The following DOCK2 variants were observed in gnomAD, a reference collection of about 807,000 sequenced individuals.
The protein encoded by DOCK2 is dedicator of cytokinesis protein 2.
DOCK2 carries 87 observed loss-of-function variants against 248.9 expected under a neutral mutation model. That is an observed-to-expected ratio of 0.35 (90% CI 0.29 to 0.42). DOCK2 has a LOEUF of 0.42. Among genes scored for constraint, DOCK2 ranks in the 10% least tolerant of loss-of-function variants. The pLI is 1.00. For synonymous variants in DOCK2, 805 were observed against 821.6 expected (o/e 0.98, Z 0.35); for missense variants, 1,747 against 2,300.2 (o/e 0.76, Z 4.92).
chr5:169,861,687 T>A (rs1442649447), intron 27 of DOCK2, among the ~76,000 whole-genome samples: 1 of 152,212 alleles, frequency 6.6e-6, no homozygotes. Context: ...GTATGCAGTT[T>A]TGGTATATGT....
intron 22 of DOCK2, among the ~76,000 whole-genome samples, chr5:169,733,547 G>A (rs1226598287): frequency 1.3e-5 from 2 of 151,822 alleles, no homozygotes; most frequent in Non-Finnish European, 2.9e-5. Flanking sequence ...TTAAAAAAAA[G>A]CTCATCACTC....
chr5:169,948,793 A>G (rs1333557466), intron 27 of DOCK2, among the ~76,000 whole-genome samples: 1 of 150,944 alleles, frequency 6.6e-6, no homozygotes, highest in Non-Finnish European at 1.5e-5. Flanking sequence ...CTACTTTCTG[A>G]CACCCACTCA....
At chr5:169,645,755 T>C (rs912017787) in intron 1 of DOCK2, among the ~76,000 whole-genome samples, 1 of 152,142 alleles carries the variant, frequency 6.6e-6, no homozygotes, top group Non-Finnish European at 1.5e-5. Flanking sequence ...TTTTTATTTA[T>C]TTATTTTTTT....
chr5:169,714,553 G>C, intron 19 of DOCK2, 96 bp downstream of exon 19: 1 of 1,350,348 alleles, frequency 7.4e-7, no homozygotes, highest in Non-Finnish European at 1.0e-6. Flanking sequence ...GAAGGACATG[G>C]GGAAACTTTT....
chr5:170,073,468 A>G (rs1461232293), intron 46 of DOCK2, among the ~76,000 whole-genome samples: 1 of 152,212 alleles, frequency 6.6e-6, no homozygotes, highest in Non-Finnish European at 1.5e-5. Context: ...AACCTTGCCA[A>G]TGTTTACACA....
At chr5:170,078,061 A>G (rs563077645) in intron 48 of DOCK2, among the ~76,000 whole-genome samples, 5 of 152,320 alleles carry the variant, frequency 3.3e-5, no homozygotes, top group Admixed American at 6.5e-5. Flanking sequence ...AGCTTTCCTG[A>G]GGACCCAGCA....
intron 22 of DOCK2, among the ~76,000 whole-genome samples, chr5:169,723,747 C>G (rs560358139): frequency 1.3e-5 from 2 of 152,150 alleles, no homozygotes; most frequent in Non-Finnish European, 2.9e-5. Context: ...ACCCCTGTCC[C>G]GAGCACTGCT....
intron 27 of DOCK2, chr5:169,864,124 C>A: frequency 1.4e-6 from 1 of 697,054 alleles, no homozygotes. Flanking sequence ...GCAGCGGCTA[C>A]ATCAGCTCCA....
intron 27 of DOCK2, among the ~76,000 whole-genome samples, chr5:169,973,612 G>C (rs770579933): frequency 1.3e-5 from 2 of 152,154 alleles, no homozygotes; most frequent in African/African-American, 2.4e-5. Flanking sequence ...GACTTAGGAT[G>C]TGTCCAGTGC....
intron 32 of DOCK2, among the ~76,000 whole-genome samples, chr5:170,009,596 A>AT (rs769532737): frequency 3.9e-5 from 6 of 152,160 alleles, no homozygotes; most frequent in Non-Finnish European, 8.8e-5. Flanking sequence ...CTGATTCTAA[A>AT]TTGCTCTGCC....
At chr5:170,076,874 T>C (rs1056051470) in intron 47 of DOCK2, among the ~76,000 whole-genome samples, 1 of 152,184 alleles carries the variant, frequency 6.6e-6, no homozygotes, top group Non-Finnish European at 1.5e-5. Flanking sequence ...GCTAACTCCC[T>C]GGAGTTAGGT....
intron 1 of DOCK2, among the ~76,000 whole-genome samples, chr5:169,645,356 T>G (rs1757400269): frequency 6.6e-6 from 1 of 152,244 alleles, no homozygotes; most frequent in South Asian, 2.1e-4. Flanking sequence ...TATCTCATTG[T>G]GCATTTCTCA....
chr5:169,843,252 G>A (rs994329830), intron 27 of DOCK2, among the ~76,000 whole-genome samples: 5 of 152,116 alleles, frequency 3.3e-5, no homozygotes, highest in African/African-American at 9.7e-5. Context: ...ACAAATGTAC[G>A]AAGCTGCTCT....
At position 169,760,481 on chromosome 5, in the gene DOCK2, C is replaced by G. The variant is rs972495976; in HGVS notation, c.2447+706C>G. ...ATTAACATGGATACAGTTATTTTAA[C>G]TGCACTCTGGACTTTATTCAGATGT... On this transcript the variant is annotated intron_variant, in intron 24 of 51. Coordinates refer to ENST00000520908, the MANE Select transcript of DOCK2 (RefSeq NM_004946.3). 2.0e-5 allele frequency among the ~76,000 whole-genome samples: 3 copies of G among 152,256 alleles called. No individual in the cohort carries two copies. The East Asian group carries it at 5.8e-4, about 29-fold the overall frequency.
intron 3 of DOCK2, among the ~76,000 whole-genome samples, chr5:169,670,062 C>T (rs1442093074): frequency 6.6e-6 from 1 of 152,178 alleles, no homozygotes; most frequent in Admixed American, 6.5e-5. Context: ...AGCCCAAATG[C>T]ACCTAGGAAC....
intron 27 of DOCK2, chr5:169,875,551 A>G (rs1183478794): frequency 4.1e-6 from 1 of 243,678 alleles, no homozygotes; most frequent in Non-Finnish European, 8.3e-6. Context: ...GGCCGTTGCA[A>G]TTACTATTTC....
chr5:170,069,898 C>T (rs1261971485), intron 46 of DOCK2, among the ~76,000 whole-genome samples: 1 of 152,034 alleles, frequency 6.6e-6, no homozygotes, highest in Non-Finnish European at 1.5e-5. Flanking sequence ...TCTGTCTTTC[C>T]CTCTCTCTCT....
At position 170,047,491 on chromosome 5, in the gene DOCK2, C is replaced by T. The variant is rs768461098; in HGVS notation, c.3967-19C>T. ...TGATACACATCTGTGTTGCAACAAA[C>T]CTTGTTTTCTTCCTTTAGATCCAGC... On this transcript the variant is annotated intron_variant, in intron 39 of 51. Coordinates refer to ENST00000520908, the MANE Select transcript of DOCK2 (RefSeq NM_004946.3). 1 of 1,611,206 alleles carries T rather than the reference C, an allele frequency of 6.2e-7. No homozygotes were observed.
intron 27 of DOCK2, among the ~76,000 whole-genome samples, chr5:169,931,171 A>G (rs1269905667): frequency 6.6e-6 from 1 of 152,228 alleles, no homozygotes; most frequent in African/African-American, 2.4e-5. Flanking sequence ...ATTTTGAGTC[A>G]TGAAAGTTAC....
Sources: gnomAD v4.1 joint callset for allele counts (sites outside exome capture counted in the v4.1 genomes callset) on GRCh38, gnomAD v4.1.1 for gene constraint, MANE v1.5 for transcripts, NCBI Gene and HGNC (gene_info 2026-07-23, HGNC 2026-07-21) for gene names.